Variants in CDC73 observed in about 807,000 individuals in gnomAD.
CDC73 encodes the protein parafibromin.
CDC73 carries 21 observed loss-of-function variants against 83.7 expected under a neutral mutation model. The observed-to-expected ratio is 0.25, with a 90% CI of 0.18 to 0.36. The LOEUF is 0.36. Ranked by LOEUF, CDC73 falls within the 10% of genes least tolerant of loss-of-function variation. The pLI, the probability that CDC73 is intolerant of heterozygous loss-of-function variation, is 1.00. For synonymous variants in CDC73, 224 were observed against 212.9 expected (o/e 1.05, Z -0.45); for missense variants, 342 against 653.3 (o/e 0.52, Z 5.19).
At chr1:193,233,558 C>G (rs913281084) in intron 14 of CDC73, among the ~76,000 whole-genome samples, 8 of 152,182 alleles carry the variant, frequency 5.3e-5, no homozygotes, top group Admixed American at 5.2e-4. Context: ...GATAAGTAAA[C>G]TTGATTTTAC....
chr1:193,207,755 C>T (rs1433345495), intron 11 of CDC73, among the ~76,000 whole-genome samples: 1 of 152,068 alleles, frequency 6.6e-6, no homozygotes, highest in Non-Finnish European at 1.5e-5. Context: ...TGTTCAAACA[C>T]ACATGTTTTA....
At chr1:193,161,009 A>T (rs1338342586) in intron 10 of CDC73, 3 of 160,390 alleles carry the variant, frequency 1.9e-5, no homozygotes. Context: ...TAATTGTCTC[A>T]GTATTTTTGT....
chr1:193,182,645 G>A (rs926748211), intron 10 of CDC73, among the ~76,000 whole-genome samples: 4 of 152,036 alleles, frequency 2.6e-5, no homozygotes, highest in South Asian at 2.1e-4. Flanking sequence ...TTTTAAAAAG[G>A]TTATGAGATG....
In CDC73 at chr1:193,251,050, C is replaced by T; in HGVS notation, c.*338C>T. On this transcript the variant is annotated 3_prime_UTR_variant, in exon 17 of 17. Transcript: ENST00000367435. ...GAGATTATAAGGCTCTCTGAGCCAT[C>T]TTCTGATTTTTCATTGCTCTATAAT... is the stretch of plus-strand genomic sequence containing the variant. The T allele has an allele frequency of 3.3e-6, 1 of 301,516 alleles. No individual in the cohort carries two copies. Among genetic ancestry groups the T allele is most frequent in the Non-Finnish European group, 6.2e-6 (1 of 160,964 alleles). The allele number at this position is 301,516 out of a possible 1,614,324, so 18.7% of individuals were successfully genotyped here.
chr1:193,205,013 T>TG (rs1268631598), intron 11 of CDC73, among the ~76,000 whole-genome samples: 6 of 152,318 alleles, frequency 3.9e-5, no homozygotes, highest in Middle Eastern at 3.4e-3. Context: ...AAGCTGGTAT[T>TG]GAAGTTATTT....
At chr1:193,138,322 G>T in intron 6 of CDC73, 149 bp downstream of exon 6, 1 of 669,684 alleles carries the variant, frequency 1.5e-6, no homozygotes. Context: ...AACATGTGTG[G>T]GGATTGGAAG....
At chr1:193,225,270 A>ATATATATATATC (rs1403259876) in intron 13 of CDC73, among the ~76,000 whole-genome samples, 2 of 148,320 alleles carry the variant, frequency 1.3e-5, no homozygotes, top group Admixed American at 6.8e-5. Context: ...ATATATATAT[A>ATATATATATATC]TATCCACATA....
intron 10 of CDC73, among the ~76,000 whole-genome samples, chr1:193,157,702 T>A (rs889619935): frequency 1.3e-5 from 2 of 152,224 alleles, no homozygotes; most frequent in Non-Finnish European, 2.9e-5. Context: ...ATAGACTGTT[T>A]TGGCCGTCTA....
rs568657341 is a variant in CDC73, at chr1:193,183,569, A to C, written c.973-20226A>C. On this transcript the variant is annotated intron_variant, in intron 10 of 16. Coordinates refer to ENST00000367435, the MANE Select transcript of CDC73 (RefSeq NM_024529.5). ...GCTGAGCATTCTGATTTAGAAACTCAGTGTTTTCCTTCTTGTACTTTTAAA... is the reference window on the plus strand; with the variant it reads ...GCTGAGCATTCTGATTTAGAAACTCCGTGTTTTCCTTCTTGTACTTTTAAA... 3.2e-4 allele frequency among the ~76,000 whole-genome samples: 49 copies of C among 151,442 alleles called. 1 individual carries two copies. The South Asian group carries it at 6.3e-3, about 19-fold the overall frequency.
At chr1:193,153,952 AAGGAG>A (rs1335341360) in intron 10 of CDC73, among the ~76,000 whole-genome samples, 2 of 152,204 alleles carry the variant, frequency 1.3e-5, no homozygotes, top group South Asian at 2.1e-4. Flanking sequence ...GAGCAACAGC[AAGGAG>A]GCCAGTGTTG....
intron 10 of CDC73, among the ~76,000 whole-genome samples, chr1:193,190,421 A>G (rs983200229): frequency 6.6e-6 from 1 of 152,216 alleles, no homozygotes; most frequent in East Asian, 1.9e-4. Context: ...AAGAGAAGTC[A>G]AATGTTTATT....
chr1:193,190,730 C>T (rs1014674535), intron 10 of CDC73, among the ~76,000 whole-genome samples: 1 of 152,218 alleles, frequency 6.6e-6, no homozygotes, highest in African/African-American at 2.4e-5. Flanking sequence ...TGAGCATTTA[C>T]AATCAGCAGT....
intron 1 of CDC73, among the ~76,000 whole-genome samples, chr1:193,124,438 C>G (rs1675526757): frequency 6.6e-6 from 1 of 152,084 alleles, no homozygotes; most frequent in Non-Finnish European, 1.5e-5. Context: ...AGGTTTAGGG[C>G]TGATTATAGT....
At chr1:193,222,296 TA>T (rs1043053193) in intron 13 of CDC73, among the ~76,000 whole-genome samples, 15 of 152,114 alleles carry the variant, frequency 9.9e-5, no homozygotes, top group Admixed American at 3.3e-4. Flanking sequence ...GGGTTCTCCT[TA>T]CATCCGCCAA....
rs147790273 is a variant in CDC73 at position 193,151,979 on chromosome 1, G to A, written c.908-401G>A. Among the ~76,000 whole-genome samples the A allele has an allele frequency of 4.2e-3, 642 of 152,236 alleles. 24 individuals carry two copies. The highest frequency in any genetic ancestry group is 0.037 in the Admixed American group (565 of 15,270). On this transcript the variant is annotated intron_variant, in intron 9 of 16. Transcript: ENST00000367435. ...TGTATGTATATAAAAATAAGTATATGCCTTATGACTGAAACTTTGGAACAC... is the reference window on the plus strand; with the variant it reads ...TGTATGTATATAAAAATAAGTATATACCTTATGACTGAAACTTTGGAACAC...
chr1:193,242,576 A>C (rs1040262695), intron 15 of CDC73, among the ~76,000 whole-genome samples: 1 of 152,200 alleles, frequency 6.6e-6, no homozygotes, highest in Non-Finnish European at 1.5e-5. Flanking sequence ...AACTTACAGA[A>C]GGTGGTTCTT....
At chr1:193,241,824 G>C (rs953124471) in intron 15 of CDC73, among the ~76,000 whole-genome samples, 1 of 152,334 alleles carries the variant, frequency 6.6e-6, no homozygotes, top group East Asian at 1.9e-4. Context: ...CAGCCAAGTT[G>C]GCCTGTCCTC....
rs1162821370 is a variant in CDC73, at chr1:193,161,628, ATATATAATATAT to A, written c.972+9197_972+9208del. 4.6e-4 allele frequency among the ~76,000 whole-genome samples: 20 copies of A among 43,784 alleles called. 6 individuals are homozygous for A. The East Asian group carries it at 6.8e-3, about 15-fold the overall frequency. 28.7% of individuals were successfully genotyped at this position (43,784 alleles called of 152,430 possible). A position where few individuals can be genotyped will look rare whatever the true frequency, so the allele number is the denominator to read the frequency against. On this transcript the variant is annotated intron_variant, in intron 10 of 16. Transcript: ENST00000367435. ...ATAGATAATATATATTATATGATAG[ATATATAATATAT>A]TATATAATATATAATATATTATATA...
Position 193,253,121 on chromosome 1 carries a change from A to G in CDC73, c.*2409A>G. 1 of 232,462 alleles carries G rather than the reference A, an allele frequency of 4.3e-6. No homozygotes were observed. Among genetic ancestry groups the G allele is most frequent in the Non-Finnish European group, 8.5e-6 (1 of 117,512 alleles). 14.4% of individuals were successfully genotyped at this position (232,462 alleles called of 1,614,324 possible). A position where few individuals can be genotyped will look rare whatever the true frequency, so the allele number is the denominator to read the frequency against. ...TATTTATAGGACATTCTTCTCAGTCAAGGAACAGTAAGAAATATGTAGGTT... is the reference window on the plus strand; with the variant it reads ...TATTTATAGGACATTCTTCTCAGTCGAGGAACAGTAAGAAATATGTAGGTT... On this transcript the variant is annotated 3_prime_UTR_variant, in exon 17 of 17. Coordinates refer to ENST00000367435, the MANE Select transcript of CDC73 (RefSeq NM_024529.5).
Sources: allele counts gnomAD v4.1 joint callset (sites outside exome capture counted in the v4.1 genomes callset), GRCh38; gene constraint gnomAD v4.1.1; transcripts MANE v1.5; gene names NCBI Gene and HGNC (gene_info 2026-07-23, HGNC 2026-07-21).